Variants in DLC1 observed in about 807,000 individuals in gnomAD.
DLC1 encodes rho GTPase-activating protein 7.
DLC1 carries 54 observed loss-of-function variants against 140.3 expected under a neutral mutation model. The ratio of observed to expected loss-of-function variants is 0.38; its 90% CI spans 0.31 to 0.48. The LOEUF (loss-of-function observed/expected upper bound fraction) is 0.48, where lower values mean the gene tolerates loss of function less well. Among genes scored for constraint, DLC1 ranks in the 20% least tolerant of loss-of-function variants. The pLI is 0.96. For missense variants in DLC1, 2,536 were observed against 1,907.0 expected, an observed-to-expected ratio of 1.33 and a Z score of -6.14; for synonymous variants, 986 against 728.1, an observed-to-expected ratio of 1.35 and a Z score of -5.70.
chr8:13,132,838 G>C lies in DLC1; in HGVS notation c.1349-17181C>G. The C allele has an allele frequency of 2.9e-6, 4 of 1,382,050 alleles. No homozygotes were observed. In the South Asian group the frequency reaches 5.0e-5, roughly 17 times the overall value. 85.6% of individuals were successfully genotyped at this position (1,382,050 alleles called of 1,614,324 possible). On this transcript the variant is annotated intron_variant, in intron 5 of 17. Transcript: ENST00000276297. Reference sequence around the variant, plus strand: ...CTGCAGAAAGCGTTTAAAGAGCACAGAACAGGCACCGACTTGACAAGGCGG... The same window carrying C: ...CTGCAGAAAGCGTTTAAAGAGCACACAACAGGCACCGACTTGACAAGGCGG...
At chr8:13,567,543 G>A (rs565894258) in intron 1 of DLC1, 6 of 1,551,674 alleles carry the variant, frequency 3.9e-6, no homozygotes, top group East Asian at 4.9e-5. Context: ...TGAGGACAAC[G>A]CCAAAACAGG....
intron 1 of DLC1, among the ~76,000 whole-genome samples, chr8:13,514,016 C>T (rs1177444112): frequency 5.9e-5 from 9 of 151,756 alleles, no homozygotes; most frequent in African/African-American, 2.2e-4. Flanking sequence ...AGAAATAATT[C>T]CTGAAATTTC....
intron 1 of DLC1, among the ~76,000 whole-genome samples, chr8:13,552,672 G>T (rs965497265): frequency 1.3e-5 from 2 of 151,740 alleles, no homozygotes; most frequent in East Asian, 3.9e-4. Context: ...AATGGAATAA[G>T]AGAAAAGCAA....
At chr8:13,360,062 C>G (rs989766548) in intron 4 of DLC1, among the ~76,000 whole-genome samples, 1 of 152,266 alleles carries the variant, frequency 6.6e-6, no homozygotes, top group East Asian at 1.9e-4. Flanking sequence ...GGGTAGAATT[C>G]TTTCTTTGCC....
intron 5 of DLC1, among the ~76,000 whole-genome samples, chr8:13,120,356 A>AAAAAAAAAAAAAAATAT: frequency 4.7e-4 from 29 of 61,106 alleles, no homozygotes; most frequent in African/African-American, 1.1e-3. Context: ...AAAAAAAAAA[A>AAAAAAAAAAAAAAATAT]ATATATATAT....
rs547749889 is a variant in DLC1, at chr8:13,418,139, G to A, written c.1024-16520C>T. 8.1e-3 allele frequency among the ~76,000 whole-genome samples: 1,225 copies of A among 152,172 alleles called. 14 individuals carry two copies. The highest frequency in any genetic ancestry group is 0.012 in the Non-Finnish European group (844 of 67,990). On this transcript the variant is annotated intron_variant, in intron 2 of 17. Transcript: ENST00000276297. Reference sequence around the variant, plus strand: ...GCCCTTTGTCAGATGAGTAGGCTGCGAAAATTTTCTCCCATTTTGTAAGTT... The same window carrying A: ...GCCCTTTGTCAGATGAGTAGGCTGCAAAAATTTTCTCCCATTTTGTAAGTT...
rs1478232349 is a variant in DLC1, at chr8:13,092,924, C to T, written c.3527-99G>A. On this transcript the variant is annotated intron_variant, in intron 12 of 17. Coordinates refer to ENST00000276297, the MANE Select transcript of DLC1 (RefSeq NM_182643.3). ...AATATCGGCATCAAATACCTCAGCC[C>T]AGTACTGAACAAGCACTTGTAGAAA... 7.7e-7 allele frequency: 1 copy of T among 1,295,122 alleles called. No homozygotes were observed. Among genetic ancestry groups the T allele is most frequent in the African/African-American group, 1.5e-5 (1 of 67,832 alleles). The allele number at this position is 1,295,122 out of a possible 1,614,324, so 80.2% of individuals were successfully genotyped here. A position where few individuals can be genotyped will look rare whatever the true frequency, so the allele number is the denominator to read the frequency against.
At chr8:13,252,029 A>G (rs1002977115) in intron 5 of DLC1, among the ~76,000 whole-genome samples, 2 of 152,216 alleles carry the variant, frequency 1.3e-5, no homozygotes, top group Admixed American at 6.5e-5. Flanking sequence ...GGGACATTGA[A>G]TAAAGTCATA....
intron 10 of DLC1, among the ~76,000 whole-genome samples, chr8:13,096,232 C>G (rs1223319613): frequency 6.6e-6 from 1 of 152,178 alleles, no homozygotes; most frequent in Non-Finnish European, 1.5e-5. Context: ...GACCAGAACT[C>G]AAGAAGTATT....
chr8:13,322,764 C>T (rs191284869), intron 4 of DLC1, among the ~76,000 whole-genome samples: 181 of 152,308 alleles, frequency 1.2e-3, no homozygotes, highest in African/African-American at 4.0e-3. Context: ...TGGCAATTCT[C>T]ATAGAGCTTG....
chr8:13,566,627 G>C (rs1444676779), intron 1 of DLC1, among the ~76,000 whole-genome samples: 3 of 152,162 alleles, frequency 2.0e-5, no homozygotes, highest in African/African-American at 7.2e-5. Flanking sequence ...TCTCACACAC[G>C]TGTGCCACCT....
chr8:13,269,845 C>T (rs975541694), intron 5 of DLC1, among the ~76,000 whole-genome samples: 84 of 150,068 alleles, frequency 5.6e-4, no homozygotes, highest in Non-Finnish European at 7.4e-4. Flanking sequence ...ATCACGAGGT[C>T]GGGAGATCAA....
intron 2 of DLC1, among the ~76,000 whole-genome samples, chr8:13,461,268 G>T (rs1307828092): frequency 6.6e-6 from 1 of 152,210 alleles, no homozygotes; most frequent in Admixed American, 6.5e-5. Context: ...AAGCTACCAT[G>T]CCAGGGTATT....
chr8:13,286,631 C>G (rs1326190292), intron 5 of DLC1, among the ~76,000 whole-genome samples: 1 of 150,408 alleles, frequency 6.6e-6, no homozygotes, highest in Non-Finnish European at 1.5e-5. Context: ...AGTGAACAGG[C>G]ATTTTGCTAA....
intron 16 of DLC1, among the ~76,000 whole-genome samples, chr8:13,088,057 T>A (rs1460668239): frequency 6.6e-6 from 1 of 151,640 alleles, no homozygotes; most frequent in Non-Finnish European, 1.5e-5. Flanking sequence ...TTGAAGGTGT[T>A]CACTACTTTT....
At chr8:13,264,451 T>G (rs927231307) in intron 5 of DLC1, among the ~76,000 whole-genome samples, 6 of 152,304 alleles carry the variant, frequency 3.9e-5, no homozygotes, top group Middle Eastern at 6.8e-3. Flanking sequence ...AGAAAGATAT[T>G]TGCAGTATGG....
At chr8:13,604,127 TAGAA>T (rs1452579523) in intron 1 of DLC1, among the ~76,000 whole-genome samples, 2 of 151,988 alleles carry the variant, frequency 1.3e-5, no homozygotes, top group African/African-American at 4.8e-5. Context: ...ATAGTAGAGG[TAGAA>T]ACAAAAGTAA....
Position 13,499,644 on chromosome 8 carries a change from C to A in DLC1, c.428G>T (p.Gly143Val). 2 of 1,614,126 alleles carry A rather than the reference C, an allele frequency of 1.2e-6. No individual in the cohort carries two copies. ...CAGTGCCTTTTCTAAGGAGCCTGCT[C>A]CTTGGATCATATGTTGGCCTGATGT... ...QKTSGQHMIQGAGSLEKALPI... is the reference protein window; with the variant it reads ...QKTSGQHMIQVAGSLEKALPI... Residue 143 changes from glycine (G) to valine (V), a missense_variant, in exon 2 of 18, where the codon GGA becomes GTA. Physicochemically the swap from Gly to Val is moderately radical, Grantham distance 109. Transcript: ENST00000276297.
chr8:13,238,909 C>G (rs548685943), intron 5 of DLC1, among the ~76,000 whole-genome samples: 1 of 152,182 alleles, frequency 6.6e-6, no homozygotes, highest in East Asian at 1.9e-4. Context: ...ACTGTGTGCA[C>G]TGACTCTGCC....
Sources: allele counts gnomAD v4.1 joint callset (sites outside exome capture counted in the v4.1 genomes callset), GRCh38; gene constraint gnomAD v4.1.1; transcripts MANE v1.5; gene names NCBI Gene and HGNC (gene_info 2026-07-23, HGNC 2026-07-21).